Variants in ZNF251 observed in about 807,000 individuals in gnomAD.
The protein encoded by ZNF251 is zinc finger protein 251.
A neutral mutation model predicts 13.5 loss-of-function variants in ZNF251; 14 were observed. That is an observed-to-expected ratio of 1.04 (90% CI 0.69 to 1.63). The LOEUF (loss-of-function observed/expected upper bound fraction) is 1.63, where lower values mean the gene tolerates loss of function less well. ZNF251 is among the 40% of genes most tolerant of loss of function. The probability of loss-of-function intolerance (pLI) is 0.00; values close to 1 mark genes in which losing one functional copy is unlikely to be tolerated. For missense variants in ZNF251, 764 were observed against 834.9 expected (o/e 0.92, Z 1.05); for synonymous variants, 287 against 295.2 (o/e 0.97, Z 0.28).
chr8:144,733,470 A>G (rs1823782406), intron 4 of ZNF251, among the ~76,000 whole-genome samples: 1 of 152,218 alleles, frequency 6.6e-6, no homozygotes. Flanking sequence ...GGCCTCCGGC[A>G]GCGGCCTGAG....
chr8:144,724,924 A>AT (rs1165235828), intron 4 of ZNF251, among the ~76,000 whole-genome samples: 1 of 152,050 alleles, frequency 6.6e-6, no homozygotes, highest in Non-Finnish European at 1.5e-5. Flanking sequence ...TGGGCTTGGC[A>AT]TTTTTTCTGA....
chr8:144,732,704 T>G (rs186516355), intron 4 of ZNF251, among the ~76,000 whole-genome samples: 2 of 150,460 alleles, frequency 1.3e-5, no homozygotes, highest in Non-Finnish European at 3.0e-5. Flanking sequence ...CCCAGCTACT[T>G]GGGAGGCTGA....
Position 144,730,080 on chromosome 8 carries a change from T to C in ZNF251, c.278-6698A>G, listed in dbSNP as rs573693528. On this transcript the variant is annotated intron_variant, in intron 4 of 4. Transcript: ENST00000292562. ...TGCAGCTGTATGGCAGGCCCAGCAG[T>C]GCCTCTCCCTTCGTACATCACCAGA... 6.1e-6 allele frequency: 6 copies of C among 985,422 alleles called. No individual in the cohort carries two copies. The South Asian group carries it at 1.9e-4, about 31-fold the overall frequency. 61.0% of individuals were successfully genotyped at this position (985,422 alleles called of 1,614,324 possible).
chr8:144,742,350 A>T (rs1824201756), intron 4 of ZNF251, among the ~76,000 whole-genome samples: 1 of 152,138 alleles, frequency 6.6e-6, no homozygotes, highest in African/African-American at 2.4e-5. Flanking sequence ...GATCATCAGA[A>T]AGGGATGAAG....
intron 4 of ZNF251, among the ~76,000 whole-genome samples, chr8:144,735,665 G>C (rs1468352157): frequency 6.6e-6 from 1 of 152,144 alleles, no homozygotes; most frequent in Admixed American, 6.5e-5. Context: ...GGATACTCAA[G>C]GTGTGGCCCA....
chr8:144,726,770 T>C (rs1823530395), intron 4 of ZNF251, among the ~76,000 whole-genome samples: 1 of 151,830 alleles, frequency 6.6e-6, no homozygotes, highest in African/African-American at 2.4e-5. Flanking sequence ...CTCGAGAGGC[T>C]GAGGCAGGAG....
chr8:144,727,216 G>T (rs1823545458), intron 4 of ZNF251, among the ~76,000 whole-genome samples: 1 of 152,216 alleles, frequency 6.6e-6, no homozygotes, highest in Non-Finnish European at 1.5e-5. Flanking sequence ...ATAATGCTTT[G>T]TTTCCTAATC....
intron 4 of ZNF251, among the ~76,000 whole-genome samples, chr8:144,747,604 C>T (rs1173692329): frequency 2.6e-5 from 4 of 152,182 alleles, no homozygotes; most frequent in Non-Finnish European, 1.5e-5. Context: ...GTTTTCGCAT[C>T]ACATATTTTG....
intron 4 of ZNF251, 109 bp downstream of exon 4, chr8:144,753,573 CT>C: frequency 3.8e-6 from 3 of 782,526 alleles, no homozygotes; most frequent in Non-Finnish European, 6.3e-6. Flanking sequence ...GAGACTGCCC[CT>C]GGGGGAGGCC....
At position 144,754,678 on chromosome 8, in the gene ZNF251, G is replaced by A. The variant is rs1348983782; in HGVS notation, c.33+18C>T. ...GGGATGAAGATGAAGAGGTGGGCAG[G>A]AAGGAGGGTTAACTCACCTGGTGCC... On this transcript the variant is annotated intron_variant, in intron 2 of 4. Transcript: ENST00000292562. 2.9e-5 allele frequency: 47 copies of A among 1,603,190 alleles called. No homozygotes were observed. Among genetic ancestry groups the A allele is most frequent in the Non-Finnish European group, 3.9e-5 (46 of 1,174,802 alleles).
chr8:144,732,631 T>C (rs1401993379), intron 4 of ZNF251, among the ~76,000 whole-genome samples: 2 of 150,514 alleles, frequency 1.3e-5, no homozygotes, highest in African/African-American at 4.9e-5. Flanking sequence ...GCCAACACGG[T>C]GAAACCCCGT....
At chr8:144,749,286 A>G (rs550256155) in intron 4 of ZNF251, among the ~76,000 whole-genome samples, 2 of 152,294 alleles carry the variant, frequency 1.3e-5, no homozygotes, top group African/African-American at 4.8e-5. Context: ...CAGGAGGTCA[A>G]GACCAGCCTG....
Position 144,721,876 on chromosome 8 carries a change from T to G in ZNF251, c.1784A>C (p.Lys595Thr), listed in dbSNP as rs1239889058. The change falls in exon 5 of 5, where the codon AAA becomes ACA. Residue 595 changes from lysine to threonine, a missense_variant. Transcript: ENST00000292562. ...QIMHAGEKPY[K>T]CQECGNAFSG... ...GAAGGCGTTTCCACATTCTTGACAT[T>G]TATAGGGCTTTTCCCCAGCATGCAT... 1 of 1,502,720 alleles carries G rather than the reference T, an allele frequency of 6.7e-7. No homozygotes were observed. The highest frequency in any genetic ancestry group is 1.4e-5 in the African/African-American group (1 of 71,516). The allele number at this position is 1,502,720 out of a possible 1,614,324, so 93.1% of individuals were successfully genotyped here.
intron 4 of ZNF251, among the ~76,000 whole-genome samples, chr8:144,737,595 G>A (rs2129987707): frequency 6.6e-6 from 1 of 152,142 alleles, no homozygotes; most frequent in African/African-American, 2.4e-5. Context: ...TTGGTTGGGA[G>A]GCCAAGGCGG....
intron 4 of ZNF251, among the ~76,000 whole-genome samples, chr8:144,723,866 A>C (rs1330312174): frequency 6.6e-6 from 1 of 152,172 alleles, no homozygotes; most frequent in Non-Finnish European, 1.5e-5. Flanking sequence ...AACCTGACAA[A>C]AGAAGTAAGT....
intron 4 of ZNF251, among the ~76,000 whole-genome samples, chr8:144,729,425 C>T (rs1359127954): frequency 2.0e-5 from 3 of 150,764 alleles, no homozygotes; most frequent in Non-Finnish European, 4.4e-5. Flanking sequence ...CAAGCTCCGC[C>T]TCCCGGGTTC....
chr8:144,732,587 GGA>G lies in ZNF251; in HGVS notation c.278-9207_278-9206del, dbSNP rs1554621004. On this transcript the variant is annotated intron_variant, in intron 4 of 4. Coordinates refer to ENST00000292562, the MANE Select transcript of ZNF251 (RefSeq NM_138367.2). ...CAGCACTTGGGGAGGCCAAGGCGGG[GGA>G]ATCACGAGGTCAGGAGATGGAGACC... Among the ~76,000 whole-genome samples, 1,085 of 151,136 alleles carry G rather than the reference GGA, an allele frequency of 7.2e-3. 5 individuals are homozygous for G. Among genetic ancestry groups the G allele is most frequent in the Non-Finnish European group, 0.011 (712 of 67,752 alleles).
At chr8:144,752,642 T>C (rs1369476968) in intron 4 of ZNF251, among the ~76,000 whole-genome samples, 1 of 152,212 alleles carries the variant, frequency 6.6e-6, no homozygotes, top group East Asian at 1.9e-4. Flanking sequence ...ATGGGGTATA[T>C]TTTTCACGAG....
chr8:144,743,878 C>T (rs550757953), intron 4 of ZNF251, among the ~76,000 whole-genome samples: 51 of 152,284 alleles, frequency 3.3e-4, no homozygotes, highest in African/African-American at 1.1e-3. Context: ...TCAGGCCTTT[C>T]GCCCATTTTT....
Sources: gnomAD v4.1 joint callset for allele counts (sites outside exome capture counted in the v4.1 genomes callset) on GRCh38, gnomAD v4.1.1 for gene constraint, MANE v1.5 for transcripts, NCBI Gene and HGNC (gene_info 2026-07-23, HGNC 2026-07-21) for gene names.